ARHGEF18: variants seen among roughly 807,000 people sequenced by gnomAD.
ARHGEF18 encodes Rho/Rac guanine nucleotide exchange factor 18.
ARHGEF18 carries 93 observed loss-of-function variants against 155.7 expected under a neutral mutation model. The observed-to-expected ratio is 0.60, with a 90% CI of 0.50 to 0.71. ARHGEF18 has a LOEUF of 0.71. ARHGEF18 is among the 30% of genes least tolerant of loss of function. ARHGEF18 has a pLI of 0.00. For missense variants in ARHGEF18, 1,593 were observed against 1,816.1 expected, an observed-to-expected ratio of 0.88 and a Z score of 2.23; for synonymous variants, 742 against 753.1, an observed-to-expected ratio of 0.99 and a Z score of 0.24.
At chr19:7,373,230 T>A (rs76270110) in intron 3 of ARHGEF18, among the ~76,000 whole-genome samples, 159 bp downstream of exon 3, 1 of 152,308 alleles carries the variant, frequency 6.6e-6, no homozygotes, top group African/African-American at 2.4e-5. Flanking sequence ...AGACAATTTT[T>A]CCATGGACCC....
intron 19 of ARHGEF18, 117 bp downstream of exon 19, chr19:7,458,807 A>C: frequency 8.3e-7 from 1 of 1,208,348 alleles, no homozygotes; most frequent in Non-Finnish European, 1.1e-6. Flanking sequence ...CCAGCTTGGG[A>C]CCCATGACGC....
chr19:7,364,365 A>AAAGGAAGGAAGGAAGG (rs752918785), intron 2 of ARHGEF18, among the ~76,000 whole-genome samples: 1,326 of 112,852 alleles, frequency 0.012, 18 homozygotes, highest in African/African-American at 0.025. Context: ...GGAGGGAAGG[A>AAAGGAAGGAAGGAAGG]AAGGAAGGAA....
chr19:7,472,921 C>CG, downstream of ARHGEF18: 1 of 451,466 alleles, frequency 2.2e-6, no homozygotes, highest in South Asian at 1.6e-5. Flanking sequence ...AGGCTGGTCT[C>CG]GAACTCCTGA....
chr19:7,389,034 G>A (rs1362547329), intron 10 of ARHGEF18, among the ~76,000 whole-genome samples: 1 of 151,960 alleles, frequency 6.6e-6, no homozygotes, highest in Non-Finnish European at 1.5e-5. Flanking sequence ...TGCCCAGGCT[G>A]GAGTGCGGTG....
At chr19:7,451,402 TC>T (rs1975457305) in intron 16 of ARHGEF18, 136 bp downstream of exon 16, 2 of 586,472 alleles carry the variant, frequency 3.4e-6, no homozygotes, top group South Asian at 2.3e-5. Flanking sequence ...TGGGGTTCCT[TC>T]CTTTTTTTTT....
In ARHGEF18 at chr19:7,390,818, G is replaced by A. The variant is rs561528934; in HGVS notation, c.967+7615G>A. 2.0e-5 allele frequency: 3 copies of A among 152,210 alleles called. No homozygotes were observed. The South Asian group carries it at 6.2e-4, about 32-fold the overall frequency. The allele number at this position is 152,210 out of a possible 1,614,324, so 9.4% of individuals were successfully genotyped here. On this transcript the variant is annotated intron_variant, in intron 10 of 28. Coordinates refer to ENST00000668164, the MANE Select transcript of ARHGEF18 (RefSeq NM_001367823.1). ...GCACTTTGGGAGGCCGAGGAGGGAA[G>A]ATCACGAGGTCAAGAGAGGGAGACC...
chr19:7,437,068 G>A (rs1227448924), intron 10 of ARHGEF18, among the ~76,000 whole-genome samples: 1 of 152,130 alleles, frequency 6.6e-6, no homozygotes, highest in Non-Finnish European at 1.5e-5. Flanking sequence ...TGACTCCTCT[G>A]CCAGAAAATC....
chr19:7,463,893 C>T lies in ARHGEF18; in HGVS notation c.2711C>T (p.Thr904Ile). Residue 904 changes from threonine to isoleucine, a missense_variant, in exon 22 of 29, where the codon ACA becomes ATA. Physicochemically the swap from Thr to Ile is moderately conservative, Grantham distance 89. Coordinates refer to ENST00000668164, the MANE Select transcript of ARHGEF18 (RefSeq NM_001367823.1). This position sits in a 1 kb window ranked among gnomAD's most constrained non-coding sequence, Gnocchi z 5.2. ...NGQAEDGGSS[T>I]GPPRRAETFA... Reference sequence around the variant, plus strand: ...CAGGCGGAAGACGGAGGCAGCTCCACAGGCCCGCCCAGGAGGGCTGAGACC... The same window carrying T: ...CAGGCGGAAGACGGAGGCAGCTCCATAGGCCCGCCCAGGAGGGCTGAGACC... 1 of 1,599,682 alleles carries T rather than the reference C, an allele frequency of 6.3e-7. No individual in the cohort carries two copies. The highest frequency in any genetic ancestry group is 8.5e-7 in the Non-Finnish European group (1 of 1,173,778).
chr19:7,383,312 G>C lies in ARHGEF18; in HGVS notation c.967+109G>C, dbSNP rs895973459. 6 of 1,195,930 alleles carry C rather than the reference G, an allele frequency of 5.0e-6. No individual in the cohort carries two copies. The African/African-American group carries it at 9.5e-5, about 19-fold the overall frequency. 74.1% of individuals were successfully genotyped at this position (1,195,930 alleles called of 1,614,324 possible). ...CTTTTGATGTGTGCATCCTCGTTCT[G>C]TTTTGCCCTCTCCTCGGCGGCTCCC... On this transcript the variant is annotated intron_variant, in intron 10 of 28. Transcript: ENST00000668164.
At chr19:7,457,407 C>CT (rs1226859233) in intron 18 of ARHGEF18, among the ~76,000 whole-genome samples, 1 of 124,072 alleles carries the variant, frequency 8.1e-6, no homozygotes, top group African/African-American at 3.2e-5. Flanking sequence ...GTCGCCCAGG[C>CT]TGGAGTGTGC....
In ARHGEF18 at chr19:7,395,264, G is replaced by A; in HGVS notation, c.967+12061G>A. On this transcript the variant is annotated intron_variant, in intron 10 of 28. Coordinates refer to ENST00000668164, the MANE Select transcript of ARHGEF18 (RefSeq NM_001367823.1). This position sits in a 1 kb window ranked among gnomAD's most constrained non-coding sequence, Gnocchi z 5.0. ...CGGGCCGAGGTGAGGACGGCGGCGG[G>A]GCGGTCCCGAGGAAAACGGGGCTCA... The A allele has an allele frequency of 1.0e-6, 1 of 986,172 alleles. No individual in the cohort carries two copies. The highest frequency in any genetic ancestry group is 1.2e-6 in the Non-Finnish European group (1 of 830,564). 61.1% of individuals were successfully genotyped at this position (986,172 alleles called of 1,614,324 possible).
intron 8 of ARHGEF18, among the ~76,000 whole-genome samples, chr19:7,381,963 A>G (rs908774874): frequency 6.6e-6 from 1 of 152,210 alleles, no homozygotes; most frequent in Non-Finnish European, 1.5e-5. Flanking sequence ...TCCGCCCAGG[A>G]AATAGACCCT....
intron 18 of ARHGEF18, among the ~76,000 whole-genome samples, chr19:7,457,362 T>TG (rs1411380930): frequency 2.9e-5 from 4 of 137,690 alleles, no homozygotes; most frequent in African/African-American, 5.6e-5. Flanking sequence ...TCTTTTTTTT[T>TG]TTTTTTTTTT....
At chr19:7,426,916 T>C (rs1973699772) in intron 10 of ARHGEF18, among the ~76,000 whole-genome samples, 1 of 152,188 alleles carries the variant, frequency 6.6e-6, no homozygotes, top group African/African-American at 2.4e-5. Flanking sequence ...TCTAAAATCA[T>C]AGGTCACCTC....
intron 1 of ARHGEF18, among the ~76,000 whole-genome samples, chr19:7,351,133 TGCAGTGTCTG>T (rs1969146859): frequency 6.6e-6 from 1 of 152,080 alleles, no homozygotes. Flanking sequence ...GAGATCTTAG[TGCAGTGTCTG>T]GCACGTAATA....
chr19:7,432,110 T>C (rs1380450451), intron 10 of ARHGEF18, among the ~76,000 whole-genome samples: 1 of 152,192 alleles, frequency 6.6e-6, no homozygotes, highest in Non-Finnish European at 1.5e-5. Context: ...CTTTTTATTC[T>C]TTTTAATACT....
At chr19:7,422,231 A>G (rs558587248) in intron 10 of ARHGEF18, among the ~76,000 whole-genome samples, 17 of 151,876 alleles carry the variant, frequency 1.1e-4, no homozygotes, top group Non-Finnish European at 1.6e-4. Flanking sequence ...CCTGGCTCCT[A>G]TTCTGGAAGA....
chr19:7,464,396 A>T (rs1432664304), intron 22 of ARHGEF18, among the ~76,000 whole-genome samples, 164 bp from the exon 23 acceptor site: 4 of 151,980 alleles, frequency 2.6e-5, no homozygotes, highest in Admixed American at 1.3e-4. Flanking sequence ...TGACAGCAGC[A>T]CCCAGACCAG....
At chr19:7,376,089 C>T (rs1272324324) in intron 4 of ARHGEF18, among the ~76,000 whole-genome samples, 4 of 152,088 alleles carry the variant, frequency 2.6e-5, no homozygotes, top group Non-Finnish European at 5.9e-5. Context: ...GCATCTGGGG[C>T]AGGCCATGCA....
Sources: allele counts gnomAD v4.1 joint callset (sites outside exome capture counted in the v4.1 genomes callset), GRCh38; gene constraint gnomAD v4.1.1; non-coding constraint Gnocchi (gnomAD v3.1); transcripts MANE v1.5; gene names NCBI Gene and HGNC (gene_info 2026-07-23, HGNC 2026-07-21).